BID: variants seen among roughly 807,000 people sequenced by gnomAD.
BID encodes the protein BH3-interacting domain death agonist.
A neutral mutation model predicts 17.4 loss-of-function variants in BID; 19 were observed. The observed-to-expected ratio is 1.09, with a 90% CI of 0.76 to 1.60. BID has a LOEUF of 1.60. Ranked by LOEUF, BID falls within the 40% of genes most tolerant of loss-of-function variation. The pLI is 0.00. For missense variants in BID, 226 were observed against 256.0 expected, an observed-to-expected ratio of 0.88 and a Z score of 0.80; for synonymous variants, 108 against 102.8, an observed-to-expected ratio of 1.05 and a Z score of -0.31.
At chr22:17,771,389 G>A (rs967522163) in intron 1 of BID, among the ~76,000 whole-genome samples, 41 of 152,132 alleles carry the variant, frequency 2.7e-4, no homozygotes, top group African/African-American at 8.7e-4. Flanking sequence ...GTGAGCCACC[G>A]CGCCCGGCTG....
chr22:17,771,652 A>G (rs1207104175), intron 1 of BID, among the ~76,000 whole-genome samples: 1 of 152,242 alleles, frequency 6.6e-6, no homozygotes, highest in Non-Finnish European at 1.5e-5. Context: ...CACCTCCAGA[A>G]ATAGCTGCTT....
At chr22:17,757,565 C>T (rs111288923) in intron 1 of BID, among the ~76,000 whole-genome samples, 2,067 of 151,704 alleles carry the variant, frequency 0.014, 38 homozygotes, top group African/African-American at 0.048. Flanking sequence ...AAAAATTAGC[C>T]GGGCGTGGTG....
In BID at chr22:17,773,661, G is replaced by C. The variant is rs1434144769; in HGVS notation, c.-59+720C>G. 1 of 1,611,470 alleles carries C rather than the reference G, an allele frequency of 6.2e-7. No individual in the cohort carries two copies. The highest frequency in any genetic ancestry group is 8.5e-7 in the Non-Finnish European group (1 of 1,179,960). ...GGCCCGGCCCCTCGCTGCCCACCGA[G>C]CCATCATGACCCCAGCACCGCTGCA... is the stretch of plus-strand genomic sequence containing the variant. On this transcript the variant is annotated intron_variant, in intron 1 of 5. Coordinates refer to ENST00000622694, the MANE Select transcript of BID (RefSeq NM_001196.4). The surrounding 1 kb of genome is among the most constrained non-coding windows in gnomAD (Gnocchi z 4.4).
At chr22:17,751,186 C>A (rs1008386156) in intron 1 of BID, among the ~76,000 whole-genome samples, 3 of 151,618 alleles carry the variant, frequency 2.0e-5, no homozygotes, top group African/African-American at 7.3e-5. Context: ...TCCTGGCTAA[C>A]AAGGTGAAAC....
At chr22:17,757,574 T>G (rs1295663825) in intron 1 of BID, among the ~76,000 whole-genome samples, 1 of 151,446 alleles carries the variant, frequency 6.6e-6, no homozygotes, top group Non-Finnish European at 1.5e-5. Flanking sequence ...CCGGGCGTGG[T>G]GGCGGGCGCC....
At chr22:17,762,352 C>G (rs1203521427) in intron 1 of BID, among the ~76,000 whole-genome samples, 1 of 152,010 alleles carries the variant, frequency 6.6e-6, no homozygotes, top group Non-Finnish European at 1.5e-5. Context: ...CAAAAATTAG[C>G]CGGGCATGAT....
rs369585967 is a variant in BID at position 17,763,839 on chromosome 22, A to G, written c.-59+10542T>C. ...TCAGATGTCAGTTATGGAAACACAT[A>G]AATGCTTACTCTTTTTAAACACTGA... On this transcript the variant is annotated intron_variant, in intron 1 of 5. Transcript: ENST00000622694. 5.3e-5 allele frequency among the ~76,000 whole-genome samples: 8 copies of G among 152,004 alleles called. No homozygotes were observed. In the East Asian group the frequency reaches 1.2e-3, roughly 22 times the overall value.
chr22:17,767,990 A>G (rs2061690676), intron 1 of BID, among the ~76,000 whole-genome samples: 2 of 152,242 alleles, frequency 1.3e-5, no homozygotes, highest in African/African-American at 4.8e-5. Context: ...AGCAGTTAAC[A>G]TGAGTTGAAA....
rs2061411553 is a variant in BID at position 17,735,279 on chromosome 22, A to G, written c.*301T>C. ...TTTCCAATTTAATTTTTAAGTGGGA[A>G]CCTGCACAGTGGAAATAAAGGCACC... On this transcript the variant is annotated 3_prime_UTR_variant, in exon 6 of 6. Transcript: ENST00000622694. 1 of 396,554 alleles carries G rather than the reference A, an allele frequency of 2.5e-6. No individual in the cohort carries two copies. Among genetic ancestry groups the G allele is most frequent in the Non-Finnish European group, 4.5e-6 (1 of 220,244 alleles). 24.6% of individuals were successfully genotyped at this position (396,554 alleles called of 1,614,324 possible). A position where few individuals can be genotyped will look rare whatever the true frequency, so the allele number is the denominator to read the frequency against.
intron 5 of BID, among the ~76,000 whole-genome samples, chr22:17,736,907 G>A (rs1036731419): frequency 3.3e-5 from 5 of 151,938 alleles, no homozygotes; most frequent in African/African-American, 7.2e-5. Context: ...GGGTTCAAGC[G>A]ATTCTCCTGC....
intron 3 of BID, among the ~76,000 whole-genome samples, chr22:17,742,007 T>C (rs1197713550): frequency 6.6e-6 from 1 of 152,204 alleles, no homozygotes; most frequent in Non-Finnish European, 1.5e-5. Context: ...TCCACCTTGC[T>C]TCAGTTACGG....
At position 17,738,212 on chromosome 22, in the gene BID, C is replaced by T. The variant is rs1240822147; in HGVS notation, c.381G>A (p.Leu127=). 3.1e-6 allele frequency: 5 copies of T among 1,611,116 alleles called. No homozygotes were observed. Among genetic ancestry groups the T allele is most frequent in the East Asian group, 4.5e-5 (2 of 44,884 alleles). ...GCAGCAGCTGCTCCAGGGCAGTGGC[C>T]AGGTCCCTGTTCCGGTCCTGCACAG... ...SRSEEDRNRD[L]ATALEQLLQA... Residue 127 remains leucine, a synonymous_variant, in exon 5 of 6, where the codon CTG becomes CTA. Coordinates refer to ENST00000622694, the MANE Select transcript of BID (RefSeq NM_001196.4).
intron 1 of BID, among the ~76,000 whole-genome samples, chr22:17,756,877 AG>A (rs2061595171): frequency 6.6e-6 from 1 of 152,060 alleles, no homozygotes; most frequent in African/African-American, 2.4e-5. Context: ...CCGGCCGCAA[AG>A]GATTCTTTAA....
chr22:17,743,652 G>A (rs2061475592), intron 3 of BID, 151 bp downstream of exon 3: 4 of 784,320 alleles, frequency 5.1e-6, no homozygotes, highest in Non-Finnish European at 6.0e-6. Context: ...GTAGAGACCA[G>A]TCAAGTGATT....
In BID at chr22:17,773,269, G is replaced by A. The variant is rs980138473; in HGVS notation, c.-59+1112C>T. ...TCCTGATGCCAGAGGATCCCTCTGC[G>A]CTCCCCACACCCTTAAGACCCCAGC... On this transcript the variant is annotated intron_variant, in intron 1 of 5. Coordinates refer to ENST00000622694, the MANE Select transcript of BID (RefSeq NM_001196.4). This position sits in a 1 kb window ranked among gnomAD's most constrained non-coding sequence, Gnocchi z 4.4. 1.3e-5 allele frequency among the ~76,000 whole-genome samples: 2 copies of A among 151,968 alleles called. No individual in the cohort carries two copies. Among genetic ancestry groups the A allele is most frequent in the Non-Finnish European group, 2.9e-5 (2 of 67,966 alleles).
At chr22:17,745,136 C>T (rs962999206) in intron 2 of BID, among the ~76,000 whole-genome samples, 12 of 151,554 alleles carry the variant, frequency 7.9e-5, no homozygotes, top group African/African-American at 2.2e-4. Context: ...CTACAACCTC[C>T]GCTTCCTGGG....
chr22:17,737,701 C>T (rs1373631937), intron 5 of BID, among the ~76,000 whole-genome samples: 2 of 152,180 alleles, frequency 1.3e-5, no homozygotes, highest in African/African-American at 4.8e-5. Context: ...ATTGTGAGCC[C>T]TCCAGCCCCT....
intron 4 of BID, among the ~76,000 whole-genome samples, chr22:17,738,675 G>T (rs1025630971): frequency 1.3e-5 from 2 of 152,154 alleles, no homozygotes; most frequent in African/African-American, 2.4e-5. Context: ...AGAGTTACAT[G>T]GGAGTGCGCC....
rs147484562 is a variant in BID, at chr22:17,744,534, G to A, written c.13-521C>T. Among the ~76,000 whole-genome samples the A allele has an allele frequency of 4.4e-3, 664 of 152,334 alleles. 3 individuals carry two copies. The highest frequency in any genetic ancestry group is 0.015 in the African/African-American group (619 of 41,580). ...ATGGAAGATTTTCAGTAACTACTGC[G>A]GAGTGGTGACCACAGCTGGGCACCT... is the stretch of plus-strand genomic sequence containing the variant. On this transcript the variant is annotated intron_variant, in intron 2 of 5. Coordinates refer to ENST00000622694, the MANE Select transcript of BID (RefSeq NM_001196.4).
Sources: gnomAD v4.1 joint callset for allele counts (sites outside exome capture counted in the v4.1 genomes callset) on GRCh38, gnomAD v4.1.1 for gene constraint, Gnocchi (gnomAD v3.1) non-coding constraint, MANE v1.5 for transcripts, NCBI Gene and HGNC (gene_info 2026-07-23, HGNC 2026-07-21) for gene names.